The following KCNJ6 variants were observed in gnomAD, a reference collection of about 807,000 sequenced individuals.
KCNJ6 encodes the protein potassium inwardly rectifying channel subfamily J member 6, also known as G protein-activated inward rectifier potassium channel 2.
In KCNJ6, 9 loss-of-function variants were observed where a neutral mutation model predicts 34.2. The observed-to-expected ratio is 0.26, with a 90% CI of 0.16 to 0.46. KCNJ6 has a LOEUF of 0.46. Ranked by LOEUF, KCNJ6 falls within the 20% of genes least tolerant of loss-of-function variation. The probability of loss-of-function intolerance (pLI) is 1.00; values close to 1 mark genes in which losing one functional copy is unlikely to be tolerated. For missense variants in KCNJ6, 236 were observed against 531.3 expected (o/e 0.44, Z 5.46); for synonymous variants, 196 against 207.1 (o/e 0.95, Z 0.46).
In KCNJ6 at chr21:37,910,134, C is replaced by T. The variant is rs1028518615; in HGVS notation, c.-28+5750G>A. 3.3e-5 allele frequency among the ~76,000 whole-genome samples: 5 copies of T among 152,160 alleles called. No individual in the cohort carries two copies. In the South Asian group the frequency reaches 1.0e-3, roughly 32 times the overall value. ...GTCACAGGAGCAGAGCCACAGCTGA[C>T]CAGCAGAGGCATAGCGCTCCAGAGA... On this transcript the variant is annotated intron_variant, in intron 1 of 3. Coordinates refer to ENST00000609713, the MANE Select transcript of KCNJ6 (RefSeq NM_002240.5).
At chr21:37,867,650 T>G (rs1445243035) in intron 1 of KCNJ6, among the ~76,000 whole-genome samples, 1 of 152,210 alleles carries the variant, frequency 6.6e-6, no homozygotes, top group African/African-American at 2.4e-5. Context: ...ATAGATTGTG[T>G]AGCAGACCAG....
intron 2 of KCNJ6, among the ~76,000 whole-genome samples, chr21:37,830,485 A>G (rs1048284266): frequency 6.6e-6 from 1 of 152,120 alleles, no homozygotes; most frequent in Admixed American, 6.5e-5. Context: ...CCTTGTTGTC[A>G]TACCTAGAGG....
chr21:37,677,771 T>C (rs867088531), intron 3 of KCNJ6, among the ~76,000 whole-genome samples: 9 of 14,116 alleles, frequency 6.4e-4, no homozygotes, highest in South Asian at 5.6e-3. Context: ...AAACCATTTG[T>C]CCATCCATCC....
In KCNJ6 at chr21:37,888,687, G is replaced by A. The variant is rs554604630; in HGVS notation, c.-28+27197C>T. ...GGAGACCTGGTGGGGCAGGAGATAC[G>A]AGCCCATGGGTGAGTTTGGGGATCA... On this transcript the variant is annotated intron_variant, in intron 1 of 3. Transcript: ENST00000609713. Among the ~76,000 whole-genome samples, 96 of 152,294 alleles carry A rather than the reference G, an allele frequency of 6.3e-4. 1 individual carries two copies. In the South Asian group the frequency reaches 0.012, roughly 19 times the overall value.
intron 3 of KCNJ6, among the ~76,000 whole-genome samples, chr21:37,713,998 A>G (rs1296112532): frequency 6.6e-6 from 1 of 151,960 alleles, no homozygotes; most frequent in East Asian, 1.9e-4. Flanking sequence ...TCATTAATTT[A>G]TTTTCCAAAG....
intron 2 of KCNJ6, among the ~76,000 whole-genome samples, chr21:37,785,994 A>G (rs2055190994): frequency 6.6e-6 from 1 of 152,236 alleles, no homozygotes; most frequent in Non-Finnish European, 1.5e-5. Context: ...CGGAGCCTCC[A>G]GAGCTGTGAG....
chr21:37,851,091 C>A (rs550468910), intron 1 of KCNJ6, among the ~76,000 whole-genome samples: 5 of 152,228 alleles, frequency 3.3e-5, no homozygotes, highest in Admixed American at 2.0e-4. Context: ...ACTGTATAAC[C>A]CATGTGGAGC....
intron 2 of KCNJ6, among the ~76,000 whole-genome samples, chr21:37,806,045 CA>C (rs1286491452): frequency 6.6e-6 from 1 of 152,204 alleles, no homozygotes; most frequent in Non-Finnish European, 1.5e-5. Context: ...AGCGTTCTAA[CA>C]TGAAATCTGG....
At chr21:37,811,499 A>G (rs1192614499) in intron 2 of KCNJ6, among the ~76,000 whole-genome samples, 2 of 152,152 alleles carry the variant, frequency 1.3e-5, no homozygotes, top group African/African-American at 2.4e-5. Flanking sequence ...ATATGTCAGA[A>G]TTGCATTAAA....
intron 2 of KCNJ6, among the ~76,000 whole-genome samples, chr21:37,723,285 G>T (rs1310200323): frequency 6.6e-6 from 1 of 152,192 alleles, no homozygotes; most frequent in Non-Finnish European, 1.5e-5. Context: ...ACAGATGCTT[G>T]TGAGGCTGTG....
chr21:37,850,496 G>A (rs570441939), intron 1 of KCNJ6, among the ~76,000 whole-genome samples: 7 of 152,056 alleles, frequency 4.6e-5, no homozygotes, highest in South Asian at 4.2e-4. Flanking sequence ...GGTGGTGCAC[G>A]CCTCATGAGA....
chr21:37,853,942 T>C (rs2055551651), intron 1 of KCNJ6, among the ~76,000 whole-genome samples: 2 of 149,414 alleles, frequency 1.3e-5, no homozygotes, highest in Non-Finnish European at 3.0e-5. Flanking sequence ...AAGAGATATA[T>C]TCAAAAACAC....
chr21:37,669,441 C>G (rs41403548), intron 3 of KCNJ6, among the ~76,000 whole-genome samples: 11,657 of 152,022 alleles, frequency 0.077, 1,080 homozygotes, highest in African/African-American at 0.22. Flanking sequence ...CCTTTTTTTG[C>G]TGACATACTA....
chr21:37,668,719 C>T (rs1001980757), intron 3 of KCNJ6, among the ~76,000 whole-genome samples: 1 of 152,168 alleles, frequency 6.6e-6, no homozygotes, highest in African/African-American at 2.4e-5. Context: ...CTGAGCTTCT[C>T]CACTTTCTTA....
chr21:37,864,071 G>A (rs1261455595), intron 1 of KCNJ6, among the ~76,000 whole-genome samples: 1 of 151,468 alleles, frequency 6.6e-6, no homozygotes, highest in East Asian at 1.9e-4. Flanking sequence ...GCTGACGCTT[G>A]ACAGAGACAC....
At chr21:37,794,067 ATGTG>A (rs553819596) in intron 2 of KCNJ6, among the ~76,000 whole-genome samples, 1 of 152,114 alleles carries the variant, frequency 6.6e-6, no homozygotes, top group Non-Finnish European at 1.5e-5. Context: ...GTGTGCACGC[ATGTG>A]TGTGTGTGTC....
At position 37,720,928 on chromosome 21, in the gene KCNJ6, C is replaced by T. The variant is rs1443344232; in HGVS notation, c.26-5797G>A. On this transcript the variant is annotated intron_variant, in intron 2 of 3. Coordinates refer to ENST00000609713, the MANE Select transcript of KCNJ6 (RefSeq NM_002240.5). ...TTCACCTTGTTAGCCAGGATGGTCTCGATCTCCTGACCTCATGATCCACCC... is the reference window on the plus strand; with the variant it reads ...TTCACCTTGTTAGCCAGGATGGTCTTGATCTCCTGACCTCATGATCCACCC... 3.3e-5 allele frequency among the ~76,000 whole-genome samples: 5 copies of T among 151,562 alleles called. No homozygotes were observed. In the South Asian group the frequency reaches 8.4e-4, roughly 25 times the overall value.
intron 3 of KCNJ6, among the ~76,000 whole-genome samples, chr21:37,629,653 G>A (rs1410751233): frequency 6.6e-6 from 1 of 152,120 alleles, no homozygotes; most frequent in East Asian, 1.9e-4. Flanking sequence ...AACCAGCCCT[G>A]TTCACATTTT....
chr21:37,712,558 TCCC>T (rs1486507203), intron 3 of KCNJ6, among the ~76,000 whole-genome samples: 2 of 70,914 alleles, frequency 2.8e-5, no homozygotes, highest in Non-Finnish European at 5.2e-5. Flanking sequence ...CCCTCCCTCC[TCCC>T]CTTCTCCTCC....
Sources: gnomAD v4.1 joint callset for allele counts (sites outside exome capture counted in the v4.1 genomes callset) on GRCh38, gnomAD v4.1.1 for gene constraint, MANE v1.5 for transcripts, NCBI Gene and HGNC (gene_info 2026-07-23, HGNC 2026-07-21) for gene names.